ANKRD11: variants seen among roughly 807,000 people sequenced by gnomAD.
ANKRD11 encodes the protein ankyrin repeat domain 11.
In ANKRD11, 17 loss-of-function variants were observed where a neutral mutation model predicts 195.7. The ratio of observed to expected loss-of-function variants is 0.09; its 90% CI spans 0.06 to 0.13. The LOEUF is 0.13. Ranked by LOEUF, ANKRD11 falls within the 10% of genes least tolerant of loss-of-function variation. The pLI is 1.00. For missense variants in ANKRD11, 3,735 were observed against 3,566.1 expected, an observed-to-expected ratio of 1.05 and a Z score of -1.21; for synonymous variants, 1,953 against 1,528.1, an observed-to-expected ratio of 1.28 and a Z score of -6.49.
chr16:89,383,580 T>C (rs1032631702), intron 2 of ANKRD11, among the ~76,000 whole-genome samples: 1 of 152,180 alleles, frequency 6.6e-6, no homozygotes, highest in African/African-American at 2.4e-5. Flanking sequence ...CGGCCAGGAA[T>C]GGCCAAAGCC....
At chr16:89,354,285 A>G (rs2039367509) in intron 2 of ANKRD11, among the ~76,000 whole-genome samples, 1 of 150,698 alleles carries the variant, frequency 6.6e-6, no homozygotes, top group African/African-American at 2.4e-5. Flanking sequence ...GAAACACTGT[A>G]TCTCACCCTA....
At chr16:89,447,772 T>C (rs1597439305) in intron 1 of ANKRD11, among the ~76,000 whole-genome samples, 1 of 151,104 alleles carries the variant, frequency 6.6e-6, no homozygotes, top group East Asian at 2.0e-4. Context: ...CCAGCATTTA[T>C]CTAATATTTT....
chr16:89,285,945 A>G lies in ANKRD11; in HGVS notation c.892+94T>C. The G allele has an allele frequency of 6.3e-7, 1 of 1,585,704 alleles. No homozygotes were observed. Among genetic ancestry groups the G allele is most frequent in the Non-Finnish European group, 8.6e-7 (1 of 1,159,100 alleles). Reference sequence around the variant, plus strand: ...TGTAAGCCCCCAGCATCCGAGGAGGAGCTGATCAGAGGGGCAACACTGTGC... The same window carrying G: ...TGTAAGCCCCCAGCATCCGAGGAGGGGCTGATCAGAGGGGCAACACTGTGC... On this transcript the variant is annotated intron_variant, in intron 8 of 12. Transcript: ENST00000301030. The surrounding 1 kb of genome is among the most constrained non-coding windows in gnomAD (Gnocchi z 5.6).
At chr16:89,484,510 T>G (rs1457486718) in intron 1 of ANKRD11, among the ~76,000 whole-genome samples, 1 of 152,198 alleles carries the variant, frequency 6.6e-6, no homozygotes, top group Non-Finnish European at 1.5e-5. Flanking sequence ...TTCCCTTTAC[T>G]TGGAAATACT....
chr16:89,379,724 C>T (rs755006581), intron 2 of ANKRD11, among the ~76,000 whole-genome samples: 10 of 152,190 alleles, frequency 6.6e-5, no homozygotes, highest in Non-Finnish European at 1.2e-4. Context: ...CACGGATTTG[C>T]GAAGAACGTG....
chr16:89,461,922 A>T (rs2056683023), intron 1 of ANKRD11, among the ~76,000 whole-genome samples: 1 of 152,088 alleles, frequency 6.6e-6, no homozygotes, highest in Non-Finnish European at 1.5e-5. Flanking sequence ...TCATTTTGGA[A>T]ACCTGCAGAG....
chr16:89,378,350 C>T (rs759221307), intron 2 of ANKRD11, among the ~76,000 whole-genome samples: 8 of 152,096 alleles, frequency 5.3e-5, no homozygotes, highest in African/African-American at 1.2e-4. Context: ...CCACTAATCC[C>T]CAAGTTGTTC....
intron 1 of ANKRD11, among the ~76,000 whole-genome samples, chr16:89,428,240 C>A (rs957960092): frequency 2.7e-5 from 4 of 149,720 alleles, no homozygotes; most frequent in Admixed American, 1.3e-4. Flanking sequence ...AAATAAAATT[C>A]TTTGGCCGGG....
At chr16:89,322,476 C>G (rs1458535943) in intron 2 of ANKRD11, among the ~76,000 whole-genome samples, 1 of 152,222 alleles carries the variant, frequency 6.6e-6, no homozygotes, top group Non-Finnish European at 1.5e-5. Context: ...TTCAGCCCCT[C>G]CCCTCACGCA....
intron 2 of ANKRD11, chr16:89,372,787 A>G (rs2040251478): frequency 6.6e-6 from 1 of 152,166 alleles, no homozygotes; most frequent in Admixed American, 6.5e-5. Context: ...GCAAAGTTAA[A>G]CAAATGTTGA....
intron 1 of ANKRD11, among the ~76,000 whole-genome samples, chr16:89,480,914 C>G (rs1439891255): frequency 6.6e-6 from 1 of 152,162 alleles, no homozygotes; most frequent in African/African-American, 2.4e-5. Flanking sequence ...GAGATGCCCA[C>G]TTCTCCCTCC....
intron 1 of ANKRD11, among the ~76,000 whole-genome samples, chr16:89,461,754 T>C (rs2056677823): frequency 1.3e-5 from 2 of 152,198 alleles, no homozygotes; most frequent in Non-Finnish European, 2.9e-5. Flanking sequence ...TCTAAATAAA[T>C]AAGAAGAAAT....
chr16:89,366,091 C>T (rs1047582517), intron 2 of ANKRD11, among the ~76,000 whole-genome samples: 17 of 143,448 alleles, frequency 1.2e-4, no homozygotes, highest in African/African-American at 4.5e-4. Context: ...AATGGCGCCA[C>T]TGCACTCTAG....
At chr16:89,293,324 A>G (rs745828842) in intron 4 of ANKRD11, among the ~76,000 whole-genome samples, 6 of 152,270 alleles carry the variant, frequency 3.9e-5, no homozygotes, top group South Asian at 2.1e-4. Flanking sequence ...ATTGACCATC[A>G]GAAGTGAAAA....
intron 3 of ANKRD11, among the ~76,000 whole-genome samples, chr16:89,313,861 C>G (rs2036769071): frequency 6.6e-6 from 1 of 152,238 alleles, no homozygotes; most frequent in Non-Finnish European, 1.5e-5. Flanking sequence ...GCTCCCTACT[C>G]CCTGTAATGC....
chr16:89,425,792 G>A (rs1219978820), intron 1 of ANKRD11, among the ~76,000 whole-genome samples: 1 of 152,116 alleles, frequency 6.6e-6, no homozygotes, highest in African/African-American at 2.4e-5. Context: ...AGGCAACTAC[G>A]CAAACTTCAG....
Position 89,282,523 on chromosome 16 carries a change from A to G in ANKRD11, c.4019T>C (p.Leu1340Pro). 1 of 1,613,690 alleles carries G rather than the reference A, an allele frequency of 6.2e-7. No homozygotes were observed. Among genetic ancestry groups the G allele is most frequent in the Non-Finnish European group, 8.5e-7 (1 of 1,179,928 alleles). Reference protein sequence around the residue: ...GDDKPRESACLPEKLKEKERH... With the variant: ...GDDKPRESACPPEKLKEKERH... Reference sequence around the variant, plus strand: ...CTCCTTCTCTTTCAGCTTCTCAGGGAGGCAGGCGCTCTCCCTCGGCTTGTC... The same window carrying G: ...CTCCTTCTCTTTCAGCTTCTCAGGGGGGCAGGCGCTCTCCCTCGGCTTGTC... Residue 1340 changes from leucine (L) to proline (P), a missense_variant, in exon 9 of 13, where the codon CTC becomes CCC. By Grantham distance (98) the Leu-to-Pro change is moderately conservative. Transcript: ENST00000301030.
At chr16:89,439,373 T>A (rs1197251716) in intron 1 of ANKRD11, among the ~76,000 whole-genome samples, 1 of 152,210 alleles carries the variant, frequency 6.6e-6, no homozygotes, top group African/African-American at 2.4e-5. Context: ...TTCCTTGACT[T>A]GCAATGGGGT....
chr16:89,329,219 G>A (rs1317311718), intron 2 of ANKRD11, among the ~76,000 whole-genome samples: 1 of 152,182 alleles, frequency 6.6e-6, no homozygotes, highest in African/African-American at 2.4e-5. Context: ...GGTGGCTGTC[G>A]AGGAGGCTCT....
Sources: allele counts gnomAD v4.1 joint callset (sites outside exome capture counted in the v4.1 genomes callset), GRCh38; gene constraint gnomAD v4.1.1; non-coding constraint Gnocchi (gnomAD v3.1); transcripts MANE v1.5; gene names NCBI Gene and HGNC (gene_info 2026-07-23, HGNC 2026-07-21).